Variants in SDHAF2 observed in about 807,000 individuals in gnomAD.
The protein encoded by SDHAF2 is succinate dehydrogenase assembly factor 2, mitochondrial.
SDHAF2 carries 21 observed loss-of-function variants against 18.5 expected under a neutral mutation model. The ratio of observed to expected loss-of-function variants is 1.13; its 90% confidence interval spans 0.80 to 1.63. SDHAF2 has a LOEUF of 1.63. Among genes scored for constraint, SDHAF2 ranks in the 40% most tolerant of loss-of-function variants. The probability of loss-of-function intolerance (pLI) is 0.00; values close to 1 mark genes in which losing one functional copy is unlikely to be tolerated. For synonymous variants in SDHAF2, 84 were observed against 70.7 expected, an observed-to-expected ratio of 1.19 and a Z score of -0.94; for missense variants, 195 against 200.3, an observed-to-expected ratio of 0.97 and a Z score of 0.16.
chr11:61,433,080 C>T (rs1393529553), intron 1 of SDHAF2: 1 of 148,630 alleles, frequency 6.7e-6, no homozygotes, highest in Non-Finnish European at 1.5e-5. Context: ...CGCTCTGTTG[C>T]CAGGCTGGAG....
chr11:61,441,534 A>G (rs1862065357), intron 3 of SDHAF2, among the ~76,000 whole-genome samples: 2 of 151,978 alleles, frequency 1.3e-5, no homozygotes. Context: ...AAAAAAAAAA[A>G]AAAGATCAGA....
intron 1 of SDHAF2, chr11:61,431,619 G>C (rs530855716): frequency 6.6e-6 from 1 of 152,080 alleles, no homozygotes; most frequent in South Asian, 2.1e-4. Context: ...AATGTCTCTT[G>C]TGCGGCATAT....
intron 1 of SDHAF2, among the ~76,000 whole-genome samples, chr11:61,436,300 C>T (rs1443174490): frequency 2.6e-5 from 4 of 152,072 alleles, no homozygotes. Flanking sequence ...AGAAACCAGT[C>T]CCCCAGAGAG....
intron 1 of SDHAF2, among the ~76,000 whole-genome samples, chr11:61,437,373 G>T (rs762118942): frequency 2.0e-5 from 3 of 152,160 alleles, no homozygotes; most frequent in South Asian, 4.2e-4. Context: ...GCTAATTTTT[G>T]TATTTTTGGT....
chr11:61,438,109 C>G lies in SDHAF2; in HGVS notation c.366C>G (p.Ala122=). 6.2e-7 allele frequency: 1 copy of G among 1,606,754 alleles called. No homozygotes were observed. The highest frequency in any genetic ancestry group is 1.3e-5 in the African/African-American group (1 of 74,802). ...PSNDWDIYYW[A]TEAKPAPEIF... is the part of the protein sequence containing the mutation. ...ATGACTGGGATATTTACTACTGGGC[C>G]ACAGGTACTGGGTATGATAAGCAGC... Residue 122 remains alanine (A), a synonymous_variant, in exon 3 of 4, where the codon GCC becomes GCG. Transcript: ENST00000301761.
intron 3 of SDHAF2, 132 bp from the exon 4 acceptor site, chr11:61,445,809 A>AT: frequency 9.1e-7 from 1 of 1,096,166 alleles, no homozygotes; most frequent in African/African-American, 1.6e-5. Context: ...CATCGTGTAT[A>AT]TTTAGAAGAA....
chr11:61,445,842 C>T, intron 3 of SDHAF2, 99 bp from the exon 4 acceptor site: 1 of 1,323,930 alleles, frequency 7.6e-7, no homozygotes, highest in Admixed American at 1.7e-5. Context: ...TCTATATATC[C>T]ATCTGTGGTT....
intron 1 of SDHAF2, chr11:61,433,435 A>G (rs1008270294): frequency 2.0e-5 from 3 of 152,256 alleles, no homozygotes; most frequent in African/African-American, 7.2e-5. Context: ...CTGCCTTGAT[A>G]CTAACAGAAA....
At chr11:61,430,268 G>A (rs941500900) in intron 1 of SDHAF2, 86 bp downstream of exon 1, 5 of 1,562,092 alleles carry the variant, frequency 3.2e-6, no homozygotes, top group Admixed American at 3.5e-5. Context: ...ATCTTGGGGA[G>A]AGTTCGTCTG....
chr11:61,430,556 A>G, intron 1 of SDHAF2: 1 of 340,474 alleles, frequency 2.9e-6, no homozygotes, highest in South Asian at 5.3e-5. Context: ...TATAATTGAC[A>G]TATAATTGTA....
At position 61,446,212 on chromosome 11, in the gene SDHAF2, C is replaced by T. The variant is rs1302991810; in HGVS notation, c.*141C>T. 1.1e-6 allele frequency: 1 copy of T among 887,984 alleles called. No individual in the cohort carries two copies. The highest frequency in any genetic ancestry group is 1.9e-6 in the Non-Finnish European group (1 of 535,308). The allele number at this position is 887,984 out of a possible 1,614,324, so 55.0% of individuals were successfully genotyped here. On this transcript the variant is annotated 3_prime_UTR_variant, in exon 4 of 4. Coordinates refer to ENST00000301761, the MANE Select transcript of SDHAF2 (RefSeq NM_017841.4). ...GTCCTGCCTCAAGTGATGGACATAA[C>T]CCTCTCCTAGGACATACATGTAAAT...
Position 61,446,395 on chromosome 11 carries a change from G to A in SDHAF2, c.*324G>A, listed in dbSNP as rs985170839. On this transcript the variant is annotated 3_prime_UTR_variant, in exon 4 of 4. Transcript: ENST00000301761. ...GGCGAAGCAGTTGTGCTTGCTCATT[G>A]CCTCAGCCCAAGTGTACTCAAAGAA... The A allele has an allele frequency of 3.0e-5, 18 of 594,502 alleles. No homozygotes were observed. In the East Asian group the frequency reaches 4.4e-4, roughly 15 times the overall value. The allele number at this position is 594,502 out of a possible 1,614,324, so 36.8% of individuals were successfully genotyped here. A position where few individuals can be genotyped will look rare whatever the true frequency, so the allele number is the denominator to read the frequency against.
At chr11:61,431,310 A>G (rs1009093773) in intron 1 of SDHAF2, 2 of 152,272 alleles carry the variant, frequency 1.3e-5, no homozygotes, top group African/African-American at 4.8e-5. Context: ...GGCGTGAGCC[A>G]CCGCGCCCGG....
intron 3 of SDHAF2, among the ~76,000 whole-genome samples, chr11:61,439,807 A>G (rs1444415376): frequency 6.6e-6 from 1 of 152,158 alleles, no homozygotes; most frequent in Non-Finnish European, 1.5e-5. Context: ...GTAATATTCC[A>G]TTGTGTGGAT....
chr11:61,442,770 T>C lies in SDHAF2; in HGVS notation c.371-3171T>C, dbSNP rs188426393. ...GTTGTGGGGGTTTTGTTTTTTGTTT[T>C]TTTGAGACAGTCTTGCTGTGTCACC... On this transcript the variant is annotated intron_variant, in intron 3 of 3. Coordinates refer to ENST00000301761, the MANE Select transcript of SDHAF2 (RefSeq NM_017841.4). Among the ~76,000 whole-genome samples, 9 of 152,326 alleles carry C rather than the reference T, an allele frequency of 5.9e-5. No homozygotes were observed. In the East Asian group the frequency reaches 1.5e-3, roughly 26 times the overall value.
At chr11:61,433,497 A>G (rs1376414395) in intron 1 of SDHAF2, 1 of 152,184 alleles carries the variant, frequency 6.6e-6, no homozygotes, top group Non-Finnish European at 1.5e-5. Context: ...TATTAGAACA[A>G]TTTCCTTGTA....
Position 61,446,149 on chromosome 11 carries a change from G to T in SDHAF2, c.*78G>T. 6.4e-7 allele frequency: 1 copy of T among 1,566,532 alleles called. No homozygotes were observed. The highest frequency in any genetic ancestry group is 8.8e-7 in the Non-Finnish European group (1 of 1,141,022). On this transcript the variant is annotated 3_prime_UTR_variant, in exon 4 of 4. Transcript: ENST00000301761. ...ATGATGGACGTTAGCCTTGCTTCCG[G>T]CTTCTTAGATGCCCAGCTGCCCTAC...
chr11:61,444,721 C>T (rs528257834), intron 3 of SDHAF2, among the ~76,000 whole-genome samples: 9 of 152,190 alleles, frequency 5.9e-5, no homozygotes, highest in South Asian at 4.2e-4. Flanking sequence ...CCAGCCTGGG[C>T]GACAGAGTGA....
chr11:61,441,452 C>T (rs935381772), intron 3 of SDHAF2, among the ~76,000 whole-genome samples: 12 of 148,446 alleles, frequency 8.1e-5, no homozygotes, highest in East Asian at 2.0e-4. Flanking sequence ...ACCAGGGAGT[C>T]GGAGGTTGCA....
Sources: allele counts gnomAD v4.1 joint callset (sites outside exome capture counted in the v4.1 genomes callset), GRCh38; gene constraint gnomAD v4.1.1; transcripts MANE v1.5; gene names NCBI Gene and HGNC (gene_info 2026-07-23, HGNC 2026-07-21).